Variants in ABTB3 observed in about 807,000 individuals in gnomAD.
The protein encoded by ABTB3 is ankyrin repeat and BTB domain containing 3.
chr12:107,337,194 G>T, the ABTB3 span, among the ~76,000 whole-genome samples: 1 of 152,370 alleles, frequency 6.6e-6, no homozygotes, highest in East Asian at 1.9e-4. Context: ...TTCAGTCTGG[G>T]TATCAGATGG....
chr12:107,567,712 C>G, the ABTB3 span, among the ~76,000 whole-genome samples: 2 of 152,152 alleles, frequency 1.3e-5, no homozygotes, highest in Admixed American at 1.3e-4. Flanking sequence ...GATCACAGGC[C>G]GCATTCGATT....
At chr12:107,417,474 C>T in the ABTB3 span, among the ~76,000 whole-genome samples, 3 of 152,272 alleles carry the variant, frequency 2.0e-5, no homozygotes, top group Admixed American at 6.5e-5. Flanking sequence ...CTGAGTAATC[C>T]AGGGTGATCT....
the ABTB3 span, among the ~76,000 whole-genome samples, chr12:107,516,508 A>C: frequency 6.6e-6 from 1 of 152,228 alleles, no homozygotes; most frequent in Non-Finnish European, 1.5e-5. Flanking sequence ...CTGGGATTAC[A>C]GGCGTGAGAC....
the ABTB3 span, among the ~76,000 whole-genome samples, chr12:107,549,006 G>T: frequency 1.3e-5 from 2 of 152,194 alleles, no homozygotes; most frequent in Admixed American, 6.5e-5. Context: ...AAGTAGTTCT[G>T]CCCTCTTCCA....
the ABTB3 span, among the ~76,000 whole-genome samples, chr12:107,567,156 G>A: frequency 6.6e-6 from 1 of 152,244 alleles, no homozygotes; most frequent in South Asian, 2.1e-4. Flanking sequence ...TCAAGGGAAA[G>A]GGAAATCATT....
At chr12:107,528,748 C>G in the ABTB3 span, among the ~76,000 whole-genome samples, 1 of 152,164 alleles carries the variant, frequency 6.6e-6, no homozygotes, top group South Asian at 2.1e-4. Context: ...GACTAGGCTG[C>G]TGCTGTTGCT....
the ABTB3 span, among the ~76,000 whole-genome samples, chr12:107,361,531 T>A: frequency 6.6e-6 from 1 of 152,208 alleles, no homozygotes; most frequent in Non-Finnish European, 1.5e-5. Context: ...ATTGATTATA[T>A]CCCGAGGATA....
At chr12:107,344,367 G>A in the ABTB3 span, among the ~76,000 whole-genome samples, 4 of 152,160 alleles carry the variant, frequency 2.6e-5, no homozygotes, top group African/African-American at 9.7e-5. Context: ...GTGAAGAAGA[G>A]GGAGAGAAGG....
At chr12:107,476,875 A>G in the ABTB3 span, among the ~76,000 whole-genome samples, 1 of 152,102 alleles carries the variant, frequency 6.6e-6, no homozygotes, top group Non-Finnish European at 1.5e-5. Context: ...AAACACACAT[A>G]TGTGCTCCTT....
chr12:107,356,054 T>C, the ABTB3 span, among the ~76,000 whole-genome samples: 3 of 152,234 alleles, frequency 2.0e-5, no homozygotes, highest in African/African-American at 7.2e-5. Context: ...TTTATTTTTT[T>C]GTACTACACC....
chr12:107,587,711 C>A, the ABTB3 span, among the ~76,000 whole-genome samples: 1 of 152,140 alleles, frequency 6.6e-6, no homozygotes, highest in Non-Finnish European at 1.5e-5. Context: ...ATAATCCATA[C>A]ATAGCAGGGT....
the ABTB3 span, among the ~76,000 whole-genome samples, chr12:107,416,334 C>T: frequency 1.3e-5 from 2 of 152,082 alleles, no homozygotes; most frequent in Non-Finnish European, 2.9e-5. Context: ...GAACTGAACT[C>T]GAATTATTTC....
chr12:107,484,755 T>C, the ABTB3 span, among the ~76,000 whole-genome samples: 2 of 152,218 alleles, frequency 1.3e-5, no homozygotes, highest in African/African-American at 4.8e-5. Context: ...GACCAGGTGC[T>C]ACTTCTGTGG....
At chr12:107,573,104 T>C in the ABTB3 span, among the ~76,000 whole-genome samples, 2 of 152,226 alleles carry the variant, frequency 1.3e-5, no homozygotes. Context: ...AATGGCTTAC[T>C]TTTCCCTAAA....
chr12:107,389,664 G>A, the ABTB3 span, among the ~76,000 whole-genome samples: 2 of 151,858 alleles, frequency 1.3e-5, no homozygotes, highest in African/African-American at 2.4e-5. Flanking sequence ...CACAAATTCC[G>A]AGTGTTGACT....
At chr12:107,579,483 A>G in the ABTB3 span, among the ~76,000 whole-genome samples, 1 of 152,226 alleles carries the variant, frequency 6.6e-6, no homozygotes. Context: ...AATCATAACT[A>G]GCACAGAGGT....
chr12:107,426,318 T>C, the ABTB3 span, among the ~76,000 whole-genome samples: 3 of 152,130 alleles, frequency 2.0e-5, no homozygotes, highest in Non-Finnish European at 4.4e-5. Context: ...CCTGCAACAG[T>C]GGCTGTGAGC....
the ABTB3 span, among the ~76,000 whole-genome samples, chr12:107,457,364 T>C: frequency 4.6e-5 from 7 of 152,248 alleles, no homozygotes; most frequent in Non-Finnish European, 8.8e-5. Context: ...CCAAATTTTA[T>C]TGCCTGGCAG....
the ABTB3 span, among the ~76,000 whole-genome samples, chr12:107,494,965 G>A: frequency 1.3e-5 from 2 of 152,230 alleles, no homozygotes; most frequent in African/African-American, 4.8e-5. Context: ...GGACTGTGGG[G>A]GATGCAGGTG....
Sources: allele counts gnomAD v4.1 joint callset (sites outside exome capture counted in the v4.1 genomes callset), GRCh38; gene constraint gnomAD v4.1.1; transcripts MANE v1.5; gene names NCBI Gene and HGNC (gene_info 2026-07-23, HGNC 2026-07-21).